The following CRPPA variants were observed in gnomAD, a reference collection of about 807,000 sequenced individuals.
CRPPA encodes CDP-L-ribitol pyrophosphorylase A.
A neutral mutation model predicts 52.0 loss-of-function variants in CRPPA; 43 were observed. That is an observed-to-expected ratio of 0.83 (90% CI 0.65 to 1.07). The LOEUF is 1.07. CRPPA is among the 50% of genes least tolerant of loss of function. CRPPA has a pLI of 0.00. For missense variants in CRPPA, 629 were observed against 551.7 expected, an observed-to-expected ratio of 1.14 and a Z score of -1.40; for synonymous variants, 250 against 203.5, an observed-to-expected ratio of 1.23 and a Z score of -1.94.
At chr7:16,157,183 ATTT>A (rs71007748) in intron 9 of CRPPA, among the ~76,000 whole-genome samples, 15 of 142,612 alleles carry the variant, frequency 1.1e-4, no homozygotes, top group Admixed American at 2.1e-4. Context: ...AAATGCTGCA[ATTT>A]TTTTTTTTTT....
intron 8 of CRPPA, among the ~76,000 whole-genome samples, chr7:16,257,600 T>C (rs1185559533): frequency 6.6e-6 from 1 of 152,126 alleles, no homozygotes; most frequent in Non-Finnish European, 1.5e-5. Context: ...TTATCTTTAT[T>C]CTTTATTACT....
At chr7:16,132,467 T>C (rs1254368569) in intron 9 of CRPPA, among the ~76,000 whole-genome samples, 1 of 124,154 alleles carries the variant, frequency 8.1e-6, no homozygotes, top group Non-Finnish European at 1.8e-5. Flanking sequence ...TAAGAATGAC[T>C]CAGGACTTTG....
In CRPPA at chr7:16,286,041, ATAAATATATATATATAT is replaced by A. The variant is rs1784429156; in HGVS notation, c.836-7832_836-7816del. 3.2e-3 allele frequency among the ~76,000 whole-genome samples: 39 copies of A among 12,316 alleles called. 3 individuals carry two copies. Among genetic ancestry groups the A allele is most frequent in the African/African-American group, 0.022 (31 of 1,392 alleles). 8.1% of individuals were successfully genotyped at this position (12,316 alleles called of 152,430 possible). On this transcript the variant is annotated intron_variant, in intron 5 of 9. Transcript: ENST00000407010. ...ATCTCAAAAAAAAAAAAAAAAAAAT[ATAAATATATATATATAT>A]ATATATATATATATATATATATAAT...
chr7:16,209,142 G>C, intron 9 of CRPPA: 1 of 368,514 alleles, frequency 2.7e-6, no homozygotes, highest in Non-Finnish European at 5.3e-6. Flanking sequence ...AAAGAAGATT[G>C]TGCTAAGGCT....
At chr7:16,362,810 A>G (rs1028628637) in intron 3 of CRPPA, among the ~76,000 whole-genome samples, 1 of 152,120 alleles carries the variant, frequency 6.6e-6, no homozygotes, top group African/African-American at 2.4e-5. Flanking sequence ...ATTTAACTCG[A>G]GATATATTTA....
At chr7:16,145,921 A>C (rs1021747216) in intron 9 of CRPPA, among the ~76,000 whole-genome samples, 2 of 152,178 alleles carry the variant, frequency 1.3e-5, no homozygotes, top group African/African-American at 4.8e-5. Flanking sequence ...TAATGACAGA[A>C]AACTCCCAAT....
At chr7:16,135,754 C>T (rs943264689) in intron 9 of CRPPA, among the ~76,000 whole-genome samples, 2 of 152,150 alleles carry the variant, frequency 1.3e-5, no homozygotes, top group African/African-American at 4.8e-5. Context: ...CCAGTCAGTA[C>T]ATTCATCTAA....
intron 9 of CRPPA, among the ~76,000 whole-genome samples, chr7:16,138,433 T>C (rs1010357185): frequency 6.6e-6 from 1 of 152,184 alleles, no homozygotes; most frequent in African/African-American, 2.4e-5. Context: ...ATACCAAGAA[T>C]ATTTTAGAAT....
chr7:16,409,508 C>T (rs1033159638), intron 1 of CRPPA, among the ~76,000 whole-genome samples: 2 of 152,124 alleles, frequency 1.3e-5, no homozygotes, highest in African/African-American at 2.4e-5. Flanking sequence ...CAATGATGGT[C>T]GCCTGGGTAC....
chr7:16,216,011 T>G, intron 9 of CRPPA, 55 bp downstream of exon 9: 1 of 1,353,394 alleles, frequency 7.4e-7, no homozygotes, highest in African/African-American at 1.5e-5. Context: ...ATCAGATACC[T>G]ACCATTAAAA....
intron 9 of CRPPA, among the ~76,000 whole-genome samples, chr7:16,200,935 C>T (rs1024544861): frequency 1.3e-5 from 2 of 152,122 alleles, no homozygotes; most frequent in African/African-American, 4.8e-5. Context: ...AAAAGGAGTC[C>T]TATTCTTGTT....
Position 16,090,776 on chromosome 7 carries a change from C to A in CRPPA, c.*919G>T, listed in dbSNP as rs1241300684. The A allele has an allele frequency of 1.3e-5, 2 of 151,896 alleles. No homozygotes were observed. The highest frequency in any genetic ancestry group is 3.9e-4 in the East Asian group (2 of 5,162). The allele number at this position is 151,896 out of a possible 1,614,324, so 9.4% of individuals were successfully genotyped here. On this transcript the variant is annotated 3_prime_UTR_variant, in exon 10 of 10. Coordinates refer to ENST00000407010, the MANE Select transcript of CRPPA (RefSeq NM_001101426.4). The stretch of plus-strand genomic sequence containing the variant: ...TGTATGTATAGATTAAAAGTCACCT[C>A]TAATGAATTAAAGGACACCCATAAT...
intron 3 of CRPPA, among the ~76,000 whole-genome samples, chr7:16,346,443 G>T (rs771399713): frequency 6.6e-6 from 1 of 152,076 alleles, no homozygotes; most frequent in Non-Finnish European, 1.5e-5. Context: ...GGTCAGTCAG[G>T]CTTGTAATGT....
chr7:16,303,360 ATC>A (rs1254829901), intron 4 of CRPPA, among the ~76,000 whole-genome samples: 1 of 151,728 alleles, frequency 6.6e-6, no homozygotes, highest in Non-Finnish European at 1.5e-5. Context: ...TAGTTAGCTA[ATC>A]TGGAGGATAA....
intron 9 of CRPPA, among the ~76,000 whole-genome samples, chr7:16,139,212 T>A (rs73681740): frequency 7.7e-4 from 117 of 152,310 alleles, no homozygotes; most frequent in African/African-American, 2.7e-3. Flanking sequence ...GAAACAGTAG[T>A]CTAGTCAAAG....
chr7:16,396,789 T>C (rs1014888175), intron 2 of CRPPA, among the ~76,000 whole-genome samples: 3 of 152,240 alleles, frequency 2.0e-5, no homozygotes, highest in African/African-American at 7.2e-5. Context: ...GAAGACGTGA[T>C]ATGTGTGTAA....
rs549547780 is a variant in CRPPA at position 16,088,188 on chromosome 7, G to T, written c.*3507C>A. 1 of 152,026 alleles carries T rather than the reference G, an allele frequency of 6.6e-6. No individual in the cohort carries two copies. Among genetic ancestry groups the T allele is most frequent in the African/African-American group, 2.4e-5 (1 of 41,392 alleles). The allele number at this position is 152,026 out of a possible 1,614,324, so 9.4% of individuals were successfully genotyped here. ...TCACGCTATGATGAACTCCTAAGAC[G>T]ACTAACTTTAATTTGCATTTAACTA... On this transcript the variant is annotated 3_prime_UTR_variant, in exon 10 of 10. Coordinates refer to ENST00000407010, the MANE Select transcript of CRPPA (RefSeq NM_001101426.4).
At chr7:16,381,655 C>T (rs989726774) in intron 2 of CRPPA, among the ~76,000 whole-genome samples, 2 of 151,726 alleles carry the variant, frequency 1.3e-5, no homozygotes, top group African/African-American at 4.9e-5. Flanking sequence ...TCAGGACTTG[C>T]TTTATGAATC....
chr7:16,391,388 C>G (rs1023465554), intron 2 of CRPPA, among the ~76,000 whole-genome samples: 13 of 152,248 alleles, frequency 8.5e-5, no homozygotes, highest in African/African-American at 3.1e-4. Flanking sequence ...TCCAAGCCAC[C>G]CATCCTCCCT....
Sources: gnomAD v4.1 joint callset for allele counts (sites outside exome capture counted in the v4.1 genomes callset) on GRCh38, gnomAD v4.1.1 for gene constraint, MANE v1.5 for transcripts, NCBI Gene and HGNC (gene_info 2026-07-23, HGNC 2026-07-21) for gene names.